FGF14: variants seen among roughly 807,000 people sequenced by gnomAD.
FGF14 encodes the protein fibroblast growth factor homologous factor 4.
In FGF14, 5 loss-of-function variants were observed where a neutral mutation model predicts 25.5. That is an observed-to-expected ratio of 0.20 (90% CI 0.10 to 0.41). The LOEUF is 0.41. Among genes scored for constraint, FGF14 ranks in the 10% least tolerant of loss-of-function variants. The probability of loss-of-function intolerance (pLI) is 1.00; values close to 1 mark genes in which losing one functional copy is unlikely to be tolerated. For missense variants in FGF14, 222 were observed against 320.1 expected (o/e 0.69, Z 2.34); for synonymous variants, 138 against 118.3 (o/e 1.17, Z -1.08).
intron 1 of FGF14, among the ~76,000 whole-genome samples, chr13:101,946,537 A>G (rs1049225261): frequency 3.9e-5 from 6 of 152,256 alleles, no homozygotes; most frequent in African/African-American, 1.2e-4. Flanking sequence ...CAGTAGTTCC[A>G]CTATGTTCTC....
chr13:101,923,037 G>A (rs866631548), intron 1 of FGF14, among the ~76,000 whole-genome samples: 89 of 151,962 alleles, frequency 5.9e-4, no homozygotes, highest in African/African-American at 2.1e-3. Context: ...GATTATTTTA[G>A]GTACTTCGAT....
At chr13:102,219,041 G>T (rs2050497066) in intron 1 of FGF14, among the ~76,000 whole-genome samples, 1 of 152,106 alleles carries the variant, frequency 6.6e-6, no homozygotes, top group Non-Finnish European at 1.5e-5. Context: ...GGAAAATGGG[G>T]TATCCAACAC....
chr13:102,176,666 C>A (rs1182938916), intron 1 of FGF14, among the ~76,000 whole-genome samples: 1 of 151,960 alleles, frequency 6.6e-6, no homozygotes, highest in Non-Finnish European at 1.5e-5. Context: ...TAATGTATTG[C>A]ACAATTAAAA....
intron 1 of FGF14, among the ~76,000 whole-genome samples, chr13:102,197,549 A>G (rs2049418173): frequency 6.6e-6 from 1 of 152,128 alleles, no homozygotes; most frequent in Non-Finnish European, 1.5e-5. Context: ...CCCCTATCAT[A>G]TAAAATAAAT....
chr13:102,281,115 C>T (rs776676427), intron 1 of FGF14, among the ~76,000 whole-genome samples: 9 of 152,054 alleles, frequency 5.9e-5, no homozygotes, highest in Non-Finnish European at 1.3e-4. Flanking sequence ...TTTCACAAGG[C>T]CAAACATAAA....
chr13:102,204,415 G>A (rs2049811215), intron 1 of FGF14, among the ~76,000 whole-genome samples: 2 of 152,164 alleles, frequency 1.3e-5, no homozygotes. Flanking sequence ...ACCTCTCTGT[G>A]CCAAACCTCA....
chr13:102,035,850 T>TA (rs2041446057), intron 1 of FGF14, among the ~76,000 whole-genome samples: 1 of 152,058 alleles, frequency 6.6e-6, no homozygotes, highest in African/African-American at 2.4e-5. Flanking sequence ...GCTGTGTTGA[T>TA]AAGTCCAGGA....
intron 1 of FGF14, among the ~76,000 whole-genome samples, chr13:102,350,546 G>T (rs2057246744): frequency 6.6e-6 from 1 of 152,054 alleles, no homozygotes; most frequent in Non-Finnish European, 1.5e-5. Flanking sequence ...CCTATCTTGT[G>T]TAGTTAACTT....
chr13:101,916,684 G>A lies in FGF14; in HGVS notation c.-39C>T, dbSNP rs1018822480. 6.9e-7 allele frequency: 1 copy of A among 1,459,650 alleles called. No homozygotes were observed. The highest frequency in any genetic ancestry group is 9.1e-7 in the Non-Finnish European group (1 of 1,103,930). 90.4% of individuals were successfully genotyped at this position (1,459,650 alleles called of 1,614,324 possible). On this transcript the variant is annotated 5_prime_UTR_variant, in exon 1 of 5. Coordinates refer to ENST00000376143, the MANE Select transcript of FGF14 (RefSeq NM_004115.4). ...ACGGGTCCGGGGAGGGAGGGCGCGG[G>A]AGGACGGCGAGCCGGGGGCACCGGA...
intron 4 of FGF14, 37 bp from the exon 5 acceptor site, chr13:101,723,004 T>C (rs780519737): frequency 6.2e-7 from 1 of 1,612,600 alleles, no homozygotes; most frequent in Non-Finnish European, 8.5e-7. Context: ...AAAGCAAACA[T>C]TGCTTGGTTA....
intron 1 of FGF14, among the ~76,000 whole-genome samples, chr13:101,900,450 G>T (rs549318959): frequency 6.6e-6 from 1 of 152,042 alleles, no homozygotes; most frequent in African/African-American, 2.4e-5. Context: ...TGAGATAAAA[G>T]AGAAAAGGTA....
chr13:102,143,788 C>A (rs1405498987), intron 1 of FGF14, among the ~76,000 whole-genome samples: 1 of 152,064 alleles, frequency 6.6e-6, no homozygotes, highest in Non-Finnish European at 1.5e-5. Context: ...CAAATTAAAA[C>A]CGTTGCTTCC....
chr13:102,095,887 A>G (rs67108136), intron 1 of FGF14, among the ~76,000 whole-genome samples: 47,473 of 151,788 alleles, frequency 0.31, 8,781 homozygotes, highest in Non-Finnish European at 0.42. Context: ...TGGAGAGTCA[A>G]AAGTTATATA....
At chr13:102,265,249 A>G (rs760509382) in intron 1 of FGF14, among the ~76,000 whole-genome samples, 6 of 152,096 alleles carry the variant, frequency 3.9e-5, no homozygotes, top group Non-Finnish European at 7.4e-5. Context: ...GCTTTCTGGT[A>G]TAAACTCCTT....
At chr13:102,380,783 T>C (rs2058165791) in intron 1 of FGF14, among the ~76,000 whole-genome samples, 1 of 152,178 alleles carries the variant, frequency 6.6e-6, no homozygotes, top group Non-Finnish European at 1.5e-5. Context: ...AAAGTAAATA[T>C]AGCACCATAT....
At chr13:101,944,885 G>C (rs963249739) in intron 1 of FGF14, among the ~76,000 whole-genome samples, 12 of 152,158 alleles carry the variant, frequency 7.9e-5, no homozygotes, top group African/African-American at 2.9e-4. Context: ...AGGATGGAGT[G>C]GGGAGGGAGT....
intron 1 of FGF14, among the ~76,000 whole-genome samples, chr13:102,261,176 A>C (rs1350511609): frequency 3.9e-5 from 6 of 152,232 alleles, no homozygotes; most frequent in Non-Finnish European, 8.8e-5. Context: ...ACTTGGACTG[A>C]ATGATAATTA....
At chr13:101,997,218 G>C in intron 1 of FGF14, among the ~76,000 whole-genome samples, 1 of 151,142 alleles carries the variant, frequency 6.6e-6, no homozygotes, top group South Asian at 2.1e-4. Flanking sequence ...CAGGGCCTTT[G>C]TTTTGCTTAC....
At chr13:101,729,221 T>G (rs1455603948) in intron 3 of FGF14, among the ~76,000 whole-genome samples, 1 of 152,128 alleles carries the variant, frequency 6.6e-6, no homozygotes, top group South Asian at 2.1e-4. Context: ...ATTTTCAGCC[T>G]TCTTATTTGT....
Sources: gnomAD v4.1 joint callset for allele counts (sites outside exome capture counted in the v4.1 genomes callset) on GRCh38, gnomAD v4.1.1 for gene constraint, MANE v1.5 for transcripts, NCBI Gene and HGNC (gene_info 2026-07-23, HGNC 2026-07-21) for gene names.